KCNQ1: variants seen among roughly 807,000 people sequenced by gnomAD.
The protein encoded by KCNQ1 is potassium voltage-gated channel subfamily KQT member 1.
A neutral mutation model predicts 72.4 loss-of-function variants in KCNQ1; 49 were observed. That is an observed-to-expected ratio of 0.68 (90% CI 0.54 to 0.86). The LOEUF (loss-of-function observed/expected upper bound fraction) is 0.86. Among genes scored for constraint, KCNQ1 ranks in the 40% least tolerant of loss-of-function variants. The probability of loss-of-function intolerance (pLI) is 0.00; values close to 1 mark genes in which losing one functional copy is unlikely to be tolerated. For missense variants in KCNQ1, 790 were observed against 945.1 expected (o/e 0.84, Z 2.15); for synonymous variants, 450 against 412.6 (o/e 1.09, Z -1.10).
In KCNQ1 at chr11:2,566,983, G is replaced by C. The variant is rs1336090567; in HGVS notation, c.478-3645G>C. ...AGGGTGGGGTAACCTAGGGGGTGGAGTGGGGGAGGGAGAGAGCACTCCTGA... is the reference window on the plus strand; with the variant it reads ...AGGGTGGGGTAACCTAGGGGGTGGACTGGGGGAGGGAGAGAGCACTCCTGA... On this transcript the variant is annotated intron_variant, in intron 2 of 15. Transcript: ENST00000155840. The surrounding 1 kb of genome is among the most constrained non-coding windows in gnomAD (Gnocchi z 6.7). 6.6e-6 allele frequency among the ~76,000 whole-genome samples: 1 copy of C among 150,816 alleles called. No individual in the cohort carries two copies. The highest frequency in any genetic ancestry group is 2.4e-5 in the African/African-American group (1 of 40,936).
At chr11:2,490,958 G>A (rs553363376) in intron 1 of KCNQ1, among the ~76,000 whole-genome samples, 16 of 152,214 alleles carry the variant, frequency 1.1e-4, no homozygotes, top group Non-Finnish European at 1.3e-4. Flanking sequence ...TGCCCGCCTC[G>A]GCCTCCCAAA....
rs921394515 is a variant in KCNQ1, at chr11:2,628,920, A to C, written c.1394-33041A>C. On this transcript the variant is annotated intron_variant, in intron 10 of 15. Transcript: ENST00000155840. ...TGGTGTCTTTGTCAAAGATTAGTTGACCATAAATGTGTGGGTTTATTTCTA... is the reference window on the plus strand; with the variant it reads ...TGGTGTCTTTGTCAAAGATTAGTTGCCCATAAATGTGTGGGTTTATTTCTA... 8.5e-5 allele frequency: 34 copies of C among 398,214 alleles called. No individual in the cohort carries two copies. The East Asian group carries it at 1.0e-3, about 12-fold the overall frequency. The allele number at this position is 398,214 out of a possible 1,614,324, so 24.7% of individuals were successfully genotyped here.
In KCNQ1 at chr11:2,471,074, C is replaced by T. The variant is rs557751798; in HGVS notation, c.386+25590C>T. Reference sequence around the variant, plus strand: ...GTTCCAGCACATTTGCTGGGATGGCCCTCCTCCCTCCACAGCAGAGTTCTA... The same window carrying T: ...GTTCCAGCACATTTGCTGGGATGGCTCTCCTCCCTCCACAGCAGAGTTCTA... On this transcript the variant is annotated intron_variant, in intron 1 of 15. Coordinates refer to ENST00000155840, the MANE Select transcript of KCNQ1 (RefSeq NM_000218.3). This position sits in a 1 kb window ranked among gnomAD's most constrained non-coding sequence, Gnocchi z 4.8. 1.6e-4 allele frequency among the ~76,000 whole-genome samples: 24 copies of T among 151,972 alleles called. No individual in the cohort carries two copies. The highest frequency in any genetic ancestry group is 2.6e-4 in the Non-Finnish European group (18 of 67,990).
Position 2,658,903 on chromosome 11 carries a change from A to G in KCNQ1, c.1394-3058A>G, listed in dbSNP as rs1650591388. On this transcript the variant is annotated intron_variant, in intron 10 of 15. Coordinates refer to ENST00000155840, the MANE Select transcript of KCNQ1 (RefSeq NM_000218.3). The surrounding 1 kb of genome is among the most constrained non-coding windows in gnomAD (Gnocchi z 4.9). ...TGTGTAACCCTATTGTACACGTAGT[A>G]CCCTATGTGAAGCAAATTTACCTAC... 1 of 398,494 alleles carries G rather than the reference A, an allele frequency of 2.5e-6. No individual in the cohort carries two copies. Among genetic ancestry groups the G allele is most frequent in the Non-Finnish European group, 4.4e-6 (1 of 226,026 alleles). 24.7% of individuals were successfully genotyped at this position (398,494 alleles called of 1,614,324 possible).
chr11:2,548,960 C>G (rs1305569944), intron 2 of KCNQ1, among the ~76,000 whole-genome samples: 1 of 152,188 alleles, frequency 6.6e-6, no homozygotes, highest in Non-Finnish European at 1.5e-5. Flanking sequence ...CCCTCCTGAG[C>G]CCCTGTGACT....
In KCNQ1 at chr11:2,809,837, T is replaced by A. The variant is rs560583388; in HGVS notation, c.1794+31800T>A. Among the ~76,000 whole-genome samples, 24 of 152,148 alleles carry A rather than the reference T, an allele frequency of 1.6e-4. No individual in the cohort carries two copies. The highest frequency in any genetic ancestry group is 2.6e-4 in the Non-Finnish European group (18 of 68,026). ...GTTTTCCTCCCAAACCCTCCTTCCTTGCATAATTCTGCAACTGACCTTTTT... is the reference window on the plus strand; with the variant it reads ...GTTTTCCTCCCAAACCCTCCTTCCTAGCATAATTCTGCAACTGACCTTTTT... On this transcript the variant is annotated intron_variant, in intron 15 of 15. Transcript: ENST00000155840. The surrounding 1 kb of genome is among the most constrained non-coding windows in gnomAD (Gnocchi z 7.1).
chr11:2,818,880 T>A lies in KCNQ1; in HGVS notation c.1795-28887T>A, dbSNP rs1179105749. On this transcript the variant is annotated intron_variant, in intron 15 of 15. Transcript: ENST00000155840. The surrounding 1 kb of genome is among the most constrained non-coding windows in gnomAD (Gnocchi z 7.2). ...CCCCCAACCCCCAGGCCCAGCAGAA[T>A]CACATCTAGGAGAGTGGGCCACATG... Among the ~76,000 whole-genome samples the A allele has an allele frequency of 6.6e-6, 1 of 151,860 alleles. No individual in the cohort carries two copies. Among genetic ancestry groups the A allele is most frequent in the Non-Finnish European group, 1.5e-5 (1 of 67,986 alleles).
At position 2,713,418 on chromosome 11, in the gene KCNQ1, A is replaced by G. The variant is rs1028556937; in HGVS notation, c.1514+51337A>G. Among the ~76,000 whole-genome samples the G allele has an allele frequency of 2.0e-5, 3 of 152,194 alleles. No individual in the cohort carries two copies. The highest frequency in any genetic ancestry group is 2.4e-5 in the African/African-American group (1 of 41,434). On this transcript the variant is annotated intron_variant, in intron 11 of 15. Coordinates refer to ENST00000155840, the MANE Select transcript of KCNQ1 (RefSeq NM_000218.3). The surrounding 1 kb of genome is among the most constrained non-coding windows in gnomAD (Gnocchi z 5.6). ...CAGCTATATTACGTTGGGAAGAGCT[A>G]CAGAAATGGTTTCTTCTCCCCCAGA...
intron 1 of KCNQ1, among the ~76,000 whole-genome samples, chr11:2,466,871 C>T (rs1367120543): frequency 2.0e-5 from 3 of 152,264 alleles, no homozygotes; most frequent in South Asian, 4.1e-4. Context: ...CGCTCTTCCT[C>T]TGTGGTCTCC....
chr11:2,756,472 A>C (rs893793590), intron 11 of KCNQ1, among the ~76,000 whole-genome samples: 4 of 150,282 alleles, frequency 2.7e-5, no homozygotes, highest in Non-Finnish European at 4.4e-5. Flanking sequence ...GACTTTTGGG[A>C]CACATATAGT....
At position 2,544,238 on chromosome 11, in the gene KCNQ1, G is replaced by T. The variant is rs922891539; in HGVS notation, c.477+16220G>T. ...GATTATCTATCTCATATATATATAT[G>T]TGTGTGTGTGTATATATATATGTGT... On this transcript the variant is annotated intron_variant, in intron 2 of 15. Coordinates refer to ENST00000155840, the MANE Select transcript of KCNQ1 (RefSeq NM_000218.3). The surrounding 1 kb of genome is among the most constrained non-coding windows in gnomAD (Gnocchi z 4.4). Among the ~76,000 whole-genome samples the T allele has an allele frequency of 3.1e-4, 45 of 145,844 alleles. No homozygotes were observed. The highest frequency in any genetic ancestry group is 1.2e-3 in the African/African-American group (44 of 37,872).
intron 2 of KCNQ1, among the ~76,000 whole-genome samples, chr11:2,561,489 G>C (rs1046127232): frequency 6.6e-6 from 1 of 152,186 alleles, no homozygotes; most frequent in African/African-American, 2.4e-5. Flanking sequence ...CTTTCCACAG[G>C]CCCAGGCCAC....
intron 6 of KCNQ1, among the ~76,000 whole-genome samples, chr11:2,574,488 C>T (rs1371124767): frequency 3.3e-5 from 5 of 152,138 alleles, no homozygotes; most frequent in African/African-American, 9.7e-5. Flanking sequence ...GCAGGGCAGC[C>T]GTGGGAAACA....
intron 15 of KCNQ1, among the ~76,000 whole-genome samples, chr11:2,798,952 AG>A (rs1025016587): frequency 6.6e-6 from 1 of 152,142 alleles, no homozygotes; most frequent in Admixed American, 6.5e-5. Context: ...AGGAGAGCAG[AG>A]GGTACCCGCG....
At chr11:2,837,395 C>T (rs1202064820) in intron 15 of KCNQ1, among the ~76,000 whole-genome samples, 1 of 152,130 alleles carries the variant, frequency 6.6e-6, no homozygotes, top group South Asian at 2.1e-4. Flanking sequence ...CCGCTCCGCG[C>T]TCACAGCCTC....
Position 2,486,860 on chromosome 11 carries a change from C to T in KCNQ1, c.387-41068C>T, listed in dbSNP as rs1846747252. ...CCCAAACAGCACCCACCAGGCCCCACCTCCAACGCTGGGGATCACATTTCA... is the reference window on the plus strand; with the variant it reads ...CCCAAACAGCACCCACCAGGCCCCATCTCCAACGCTGGGGATCACATTTCA... On this transcript the variant is annotated intron_variant, in intron 1 of 15. Coordinates refer to ENST00000155840, the MANE Select transcript of KCNQ1 (RefSeq NM_000218.3). This position sits in a 1 kb window ranked among gnomAD's most constrained non-coding sequence, Gnocchi z 5.0. Among the ~76,000 whole-genome samples, 1 of 152,172 alleles carries T rather than the reference C, an allele frequency of 6.6e-6. No individual in the cohort carries two copies. The highest frequency in any genetic ancestry group is 1.5e-5 in the Non-Finnish European group (1 of 68,044).
chr11:2,675,704 A>T (rs767933731), intron 11 of KCNQ1: 6 of 398,292 alleles, frequency 1.5e-5, no homozygotes, highest in Admixed American at 4.4e-5. Flanking sequence ...CCTGTCAAAA[A>T]CCTCTTTGTG....
At chr11:2,511,160 AG>A (rs1195418412) in intron 1 of KCNQ1, among the ~76,000 whole-genome samples, 2 of 152,198 alleles carry the variant, frequency 1.3e-5, no homozygotes, top group African/African-American at 2.4e-5. Context: ...TGGGGGCAGC[AG>A]GGACAAAAGC....
rs1234117556 is a variant in KCNQ1 at position 2,651,074 on chromosome 11, A to G, written c.1394-10887A>G. The G allele has an allele frequency of 2.5e-6, 1 of 398,700 alleles. No individual in the cohort carries two copies. Among genetic ancestry groups the G allele is most frequent in the Admixed American group, 4.4e-5 (1 of 22,734 alleles). 24.7% of individuals were successfully genotyped at this position (398,700 alleles called of 1,614,324 possible). ...CTGCCTACATTGTTGTCCATACCTC[A>G]TTACTGGTCTCTTGATTTCCACTCT... is the stretch of plus-strand genomic sequence containing the variant. On this transcript the variant is annotated intron_variant, in intron 10 of 15. Coordinates refer to ENST00000155840, the MANE Select transcript of KCNQ1 (RefSeq NM_000218.3). The surrounding 1 kb of genome is among the most constrained non-coding windows in gnomAD (Gnocchi z 6.1).
Sources: allele counts gnomAD v4.1 joint callset (sites outside exome capture counted in the v4.1 genomes callset), GRCh38; gene constraint gnomAD v4.1.1; non-coding constraint Gnocchi (gnomAD v3.1); transcripts MANE v1.5; gene names NCBI Gene and HGNC (gene_info 2026-07-23, HGNC 2026-07-21).